KHDC1L: variants seen among roughly 807,000 people sequenced by gnomAD.
The protein encoded by KHDC1L is KH domain containing 1 like.
KHDC1L carries 5 observed loss-of-function variants against 11.2 expected under a neutral mutation model. That is an observed-to-expected ratio of 0.45 (90% CI 0.23 to 0.94). The LOEUF is 0.94. Ranked by LOEUF, KHDC1L falls within the 40% of genes least tolerant of loss-of-function variation. The pLI is 0.22. For missense variants in KHDC1L, 168 were observed against 165.8 expected, an observed-to-expected ratio of 1.01 and a Z score of -0.07; for synonymous variants, 66 against 62.7, an observed-to-expected ratio of 1.05 and a Z score of -0.25.
At chr6:73,224,086 C>A in intron 2 of KHDC1L, 80 bp downstream of exon 2, 2 of 1,430,184 alleles carry the variant, frequency 1.4e-6, no homozygotes, top group Non-Finnish European at 1.9e-6. Flanking sequence ...GGATTCTTCA[C>A]GAATCCAAGA....
rs1203653671 is a variant in KHDC1L at position 73,224,285 on chromosome 6, C to G, written c.176G>C (p.Arg59Thr). The G allele has an allele frequency of 6.3e-7, 1 of 1,598,608 alleles. No homozygotes were observed. Among genetic ancestry groups the G allele is most frequent in the African/African-American group, 1.3e-5 (1 of 74,900 alleles). The part of the protein sequence containing the change: ...LHSHTLIQLE[R>T]CFTATGQTRV... ...TGTCTGGCCTGTAGCTGTGAAACAC[C>G]TCTCCAGCTGAATAAGGGTGTGGCT... The change falls in exon 2 of 3, where the codon AGG (arginine) becomes ACG (threonine). Residue 59 changes from arginine (R) to threonine (T), a missense_variant. Physicochemically the swap from Arg to Thr is moderately conservative, Grantham distance 71. Coordinates refer to ENST00000370388, the MANE Select transcript of KHDC1L (RefSeq NM_001126063.3).
At chr6:73,224,462 A>G in intron 1 of KHDC1L, 114 bp from the exon 2 acceptor site, 2 of 909,518 alleles carry the variant, frequency 2.2e-6, no homozygotes, top group Non-Finnish European at 3.2e-6. Context: ...AGAGGGGAAG[A>G]TTGAAAATCG....
Position 73,224,311 on chromosome 6 carries a change from G to A in KHDC1L, c.150C>T (p.His50=), listed in dbSNP as rs1292770260. 1 of 1,597,074 alleles carries A rather than the reference G, an allele frequency of 6.3e-7. No individual in the cohort carries two copies. Among genetic ancestry groups the A allele is most frequent in the Non-Finnish European group, 8.5e-7 (1 of 1,171,226 alleles). Residue 50 remains histidine (H), a synonymous_variant, in exon 2 of 3, where the codon CAC becomes CAT. Coordinates refer to ENST00000370388, the MANE Select transcript of KHDC1L (RefSeq NM_001126063.3). The part of the protein sequence containing the change: ...DDTYLRCIEL[H]SHTLIQLERC... The stretch of plus-strand genomic sequence containing the variant: ...TCTCCAGCTGAATAAGGGTGTGGCT[G>A]TGCAGCTCAATGCAGCGAAGGTACG...
chr6:73,223,647 A>G lies in KHDC1L; in HGVS notation c.*101T>C. 1.1e-6 allele frequency: 1 copy of G among 902,884 alleles called. No individual in the cohort carries two copies. Among genetic ancestry groups the G allele is most frequent in the Non-Finnish European group, 1.7e-6 (1 of 574,780 alleles). The allele number at this position is 902,884 out of a possible 1,614,324, so 55.9% of individuals were successfully genotyped here. ...CATGCCTAGAAGGCCTGAGAGGGGC[A>G]GGTCTGGCCACAAATTCAAACTTTC... On this transcript the variant is annotated 3_prime_UTR_variant, in exon 3 of 3. Transcript: ENST00000370388.
Position 73,225,362 on chromosome 6 carries a change from A to G in KHDC1L, c.47T>C (p.Leu16Pro), listed in dbSNP as rs755797333. 2.5e-6 allele frequency: 4 copies of G among 1,614,064 alleles called. No homozygotes were observed. Among genetic ancestry groups the G allele is most frequent in the Non-Finnish European group, 3.4e-6 (4 of 1,180,018 alleles). Residue 16 changes from leucine (L) to proline (P), a missense_variant, in exon 1 of 3, where the codon CTG becomes CCG. Leu to Pro is a moderately conservative substitution (Grantham distance 98). Coordinates refer to ENST00000370388, the MANE Select transcript of KHDC1L (RefSeq NM_001126063.3). ...CATTGGAGAATGAAAGTTTTCGGGC[A>G]GGGTCCACCACGGCTCCTTGCTGAG... ...SALSKEPWWT[L>P]PENFHSPMVF...
intron 2 of KHDC1L, 98 bp from the exon 3 acceptor site, chr6:73,223,937 C>T (rs1325099067): frequency 8.9e-7 from 1 of 1,119,960 alleles, no homozygotes; most frequent in African/African-American, 1.6e-5. Flanking sequence ...GAGGATGTCA[C>T]CCCAGCCCAG....
At chr6:73,225,082 C>T (rs1766337091) in intron 1 of KHDC1L, among the ~76,000 whole-genome samples, 1 of 126,954 alleles carries the variant, frequency 7.9e-6, no homozygotes, top group South Asian at 2.5e-4. Context: ...GACTCCGTCT[C>T]GAGTCTCAAA....
intron 1 of KHDC1L, 130 bp downstream of exon 1, chr6:73,225,167 T>C (rs1376100230): frequency 2.8e-6 from 2 of 723,080 alleles, no homozygotes; most frequent in Non-Finnish European, 4.4e-6. Flanking sequence ...CTCTGCAGGC[T>C]GAAGCAGGAG....
In KHDC1L at chr6:73,225,483, A is replaced by G; in HGVS notation, c.-75T>C. On this transcript the variant is annotated 5_prime_UTR_variant, in exon 1 of 3. Coordinates refer to ENST00000370388, the MANE Select transcript of KHDC1L (RefSeq NM_001126063.3). ...GGCAAAAGACTTGGAAAAGCGAGGAAGGGCCTAGGCTCTGTCCTTAAAAAG... is the reference window on the plus strand; with the variant it reads ...GGCAAAAGACTTGGAAAAGCGAGGAGGGGCCTAGGCTCTGTCCTTAAAAAG... 9.2e-7 allele frequency: 1 copy of G among 1,086,736 alleles called. No homozygotes were observed. Among genetic ancestry groups the G allele is most frequent in the South Asian group, 1.3e-5 (1 of 76,332 alleles). The allele number at this position is 1,086,736 out of a possible 1,614,324, so 67.3% of individuals were successfully genotyped here. A position where few individuals can be genotyped will look rare whatever the true frequency, so the allele number is the denominator to read the frequency against.
rs375544476 is a variant in KHDC1L, at chr6:73,224,293, C to T, written c.168G>A (p.Gln56=). Residue 56 remains glutamine (Q), a synonymous_variant, in exon 2 of 3, where the codon CAG becomes CAA. Transcript: ENST00000370388. ...CIELHSHTLI[Q]LERCFTATGQ... is the part of the protein sequence containing the mutation. ...CTGTAGCTGTGAAACACCTCTCCAG[C>T]TGAATAAGGGTGTGGCTGTGCAGCT... The T allele has an allele frequency of 1.4e-4, 225 of 1,599,146 alleles. No individual in the cohort carries two copies. The African/African-American group carries it at 2.8e-3, about 20-fold the overall frequency.
rs1275993569 is a variant in KHDC1L at position 73,223,733 on chromosome 6, T to A, written c.*15A>T. ...AGCCAAGACTTCTCCTCTCATCCCC[T>A]CTTCCCAGGGGAGATCAGTCTCCGG... is the stretch of plus-strand genomic sequence containing the variant. On this transcript the variant is annotated 3_prime_UTR_variant, in exon 3 of 3. Coordinates refer to ENST00000370388, the MANE Select transcript of KHDC1L (RefSeq NM_001126063.3). 7 of 1,590,088 alleles carry A rather than the reference T, an allele frequency of 4.4e-6. No individual in the cohort carries two copies. Among genetic ancestry groups the A allele is most frequent in the East Asian group, 2.3e-5 (1 of 44,334 alleles).
intron 1 of KHDC1L, 62 bp downstream of exon 1, chr6:73,225,235 T>C: frequency 6.9e-7 from 1 of 1,456,608 alleles, no homozygotes; most frequent in Admixed American, 2.0e-5. Context: ...AGCGAGAATC[T>C]GTCTCAAAAA....
In KHDC1L at chr6:73,225,348, G is replaced by GA. The variant is rs751316188; in HGVS notation, c.60dup (p.His21SerfsTer20). On this transcript the variant is annotated frameshift_variant, in exon 1 of 3. Transcript: ENST00000370388. LOFTEE classifies it high-confidence loss of function. ...TCCATGTGGAACACCATTGGAGAAT[G>GA]AAAGTTTTCGGGCAGGGTCCACCAC... 1.9e-6 allele frequency: 3 copies of GA among 1,614,156 alleles called. No individual in the cohort carries two copies. The highest frequency in any genetic ancestry group is 2.5e-6 in the Non-Finnish European group (3 of 1,179,994).
At position 73,223,789 on chromosome 6, in the gene KHDC1L, G is replaced by A; in HGVS notation, c.346C>T (p.Leu116=). Residue 116 remains leucine, a synonymous_variant, in exon 3 of 3, where the codon CTG becomes TTG. Coordinates refer to ENST00000370388, the MANE Select transcript of KHDC1L (RefSeq NM_001126063.3). ...GGTGGCAGGCTAACGGAGGTGACCAGGTCATCATTGGTCAGGGGCTGGCTT... is the reference window on the plus strand; with the variant it reads ...GGTGGCAGGCTAACGGAGGTGACCAAGTCATCATTGGTCAGGGGCTGGCTT... The part of the protein sequence containing the change: ...VRSQPLTNDD[L]VTSVSLPPYT... 3 of 1,607,594 alleles carry A rather than the reference G, an allele frequency of 1.9e-6. No homozygotes were observed. Among genetic ancestry groups the A allele is most frequent in the Non-Finnish European group, 2.5e-6 (3 of 1,177,170 alleles).
At chr6:73,223,872 G>C in intron 2 of KHDC1L, 33 bp from the exon 3 acceptor site, 1 of 1,527,082 alleles carries the variant, frequency 6.5e-7, no homozygotes, top group Non-Finnish European at 8.9e-7. Context: ...TGAAGAACCA[G>C]AGTCCCATTA....
In KHDC1L at chr6:73,224,181, T is replaced by TG. The variant is rs1562239265; in HGVS notation, c.279dup (p.Lys94GlnfsTer21). The TG allele has an allele frequency of 3.8e-6, 6 of 1,567,114 alleles. No homozygotes were observed. In the South Asian group the frequency reaches 7.1e-5, roughly 18 times the overall value. Reference sequence around the variant, plus strand: ...GGATACCTACCTCGAGCGTGACACTTGGAGTCCTGGCTCCCCACGCAATGG... The same window carrying TG: ...GGATACCTACCTCGAGCGTGACACTTGGGAGTCCTGGCTCCCCACGCAATGG... On this transcript the variant is annotated frameshift_variant, in exon 2 of 3. Coordinates refer to ENST00000370388, the MANE Select transcript of KHDC1L (RefSeq NM_001126063.3). LOFTEE classifies it low-confidence loss of function (END_TRUNC).
Position 73,225,077 on chromosome 6 carries a change from C to T in KHDC1L, c.112+220G>A, listed in dbSNP as rs569424372. Among the ~76,000 whole-genome samples, 123 of 140,196 alleles carry T rather than the reference C, an allele frequency of 8.8e-4. 1 individual carries two copies. The highest frequency in any genetic ancestry group is 3.3e-3 in the African/African-American group (119 of 36,458). 92.0% of individuals were successfully genotyped at this position (140,196 alleles called of 152,430 possible). A position where few individuals can be genotyped will look rare whatever the true frequency, so the allele number is the denominator to read the frequency against. ...CAGCCTGGGCGGCAGAGCAAGACTC[C>T]GTCTCGAGTCTCAAAAAAAAAAAAA... is the stretch of plus-strand genomic sequence containing the variant. On this transcript the variant is annotated intron_variant, in intron 1 of 2. Transcript: ENST00000370388.
intron 2 of KHDC1L, 60 bp from the exon 3 acceptor site, chr6:73,223,899 G>T: frequency 7.3e-7 from 1 of 1,366,076 alleles, no homozygotes; most frequent in Non-Finnish European, 1.0e-6. Context: ...CCCTTAGTAG[G>T]CCCAGACTCC....
rs775522768 is a variant in KHDC1L at position 73,225,395 on chromosome 6, G to A, written c.14C>T (p.Thr5Met). 6.2e-7 allele frequency: 1 copy of A among 1,613,542 alleles called. No individual in the cohort carries two copies. Among genetic ancestry groups the A allele is most frequent in the Non-Finnish European group, 8.5e-7 (1 of 1,179,522 alleles). Residue 5 changes from threonine (T) to methionine (M), a missense_variant, in exon 1 of 3, where the codon ACG (threonine) becomes ATG (methionine). By Grantham distance (81) the Thr-to-Met change is moderately conservative. Coordinates refer to ENST00000370388, the MANE Select transcript of KHDC1L (RefSeq NM_001126063.3). MAVG[T>M]SALSKEPWWT... ...CCACGGCTCCTTGCTGAGAGCACTC[G>A]TTCCCACGGCCATGCTGTGCTCCCA...
Sources: allele counts gnomAD v4.1 joint callset (sites outside exome capture counted in the v4.1 genomes callset), GRCh38; gene constraint gnomAD v4.1.1; transcripts MANE v1.5; gene names NCBI Gene and HGNC (gene_info 2026-07-23, HGNC 2026-07-21).